Variants in KRT10 observed in about 807,000 individuals in gnomAD.
KRT10 encodes the protein keratin 10, also known as keratin, type I cytoskeletal 10.
In KRT10, 40 loss-of-function variants were observed where a neutral mutation model predicts 59.2. The ratio of observed to expected loss-of-function variants is 0.68; its 90% CI spans 0.52 to 0.88. The LOEUF (loss-of-function observed/expected upper bound fraction) is 0.88, where lower values mean the gene tolerates loss of function less well. Among genes scored for constraint, KRT10 ranks in the 40% least tolerant of loss-of-function variants. The pLI is 0.00. For synonymous variants in KRT10, 336 were observed against 310.7 expected (o/e 1.08, Z -0.86); for missense variants, 719 against 749.1 (o/e 0.96, Z 0.47).
rs1434966740 is a variant in KRT10 at position 40,819,643 on chromosome 17, T to G, written c.1247A>C (p.Glu416Ala). Residue 416 changes from glutamate to alanine, a missense_variant, in exon 6 of 8, where the codon GAA (glutamate) becomes GCA (alanine). By Grantham distance (107) the Glu-to-Ala change is moderately radical. Around this residue, in one of 4 missense-constraint regions of KRT10, gnomAD observed 315 missense variants for 270.6 expected, o/e 1.16. Transcript: ENST00000269576. Reference sequence around the variant, plus strand: ...TTCAGCTCGAATCTGTTGCAACTGTTCTTCCAGAGCGGATATCTGGGCCTG... The same window carrying G: ...TTCAGCTCGAATCTGTTGCAACTGTGCTTCCAGAGCGGATATCTGGGCCTG... ...QIQAQISALE[E>A]QLQQIRAETE... 1 of 1,614,196 alleles carries G rather than the reference T, an allele frequency of 6.2e-7. No homozygotes were observed. The highest frequency in any genetic ancestry group is 1.1e-5 in the South Asian group (1 of 91,082).
rs957677005 is a variant in KRT10, at chr17:40,818,722, A to C, written c.1748+65T>G. On this transcript the variant is annotated intron_variant, in intron 7 of 7. Transcript: ENST00000269576. ...TTTTTAAAACAACTCTAGAGCTTAAAGCGCAAAAAAACCATCACAGGAAGT... is the reference window on the plus strand; with the variant it reads ...TTTTTAAAACAACTCTAGAGCTTAACGCGCAAAAAAACCATCACAGGAAGT... 4 of 1,598,798 alleles carry C rather than the reference A, an allele frequency of 2.5e-6. No homozygotes were observed. The East Asian group carries it at 8.9e-5, about 36-fold the overall frequency.
At chr17:40,821,818 T>C in intron 1 of KRT10, 141 bp downstream of exon 1, 1 of 868,536 alleles carries the variant, frequency 1.2e-6, no homozygotes, top group Non-Finnish European at 1.8e-6. Context: ...ATGTTTATCT[T>C]TGATGAGACT....
At chr17:40,819,298 A>G in intron 6 of KRT10, 137 bp from the exon 7 acceptor site, 1 of 1,502,820 alleles carries the variant, frequency 6.7e-7, no homozygotes, top group Non-Finnish European at 8.9e-7. Flanking sequence ...TTTAAAACCC[A>G]TCCTTTGAAA....
At chr17:40,820,020 T>C (rs1242192501) in intron 5 of KRT10, 29 bp downstream of exon 5, 11 of 1,611,490 alleles carry the variant, frequency 6.8e-6, no homozygotes, top group African/African-American at 1.3e-5. Context: ...TATGATAAAG[T>C]TGAAGTCATT....
chr17:40,818,651 T>G, intron 7 of KRT10, 136 bp downstream of exon 7: 2 of 1,427,104 alleles, frequency 1.4e-6, no homozygotes, highest in South Asian at 2.4e-5. Flanking sequence ...GTGTTAAGAG[T>G]AGTTTGTGAA....
chr17:40,819,041 G>A lies in KRT10; in HGVS notation c.1494C>T (p.Gly498=), dbSNP rs1905207767. Residue 498 remains glycine (G), a synonymous_variant, in exon 7 of 8, where the codon GGC becomes GGT. Transcript: ENST00000269576. ...CGCCGCCGGAGCTTCCGCCTCCGTA[G>A]CCGCCGCCGGAACTGCCGCCGTGGC... The part of the protein sequence containing the change: ...GGGHGGSSGG[G]YGGGSSGGGS... The A allele has an allele frequency of 7.5e-7, 1 of 1,340,386 alleles. No individual in the cohort carries two copies. Among genetic ancestry groups the A allele is most frequent in the Non-Finnish European group, 9.7e-7 (1 of 1,025,842 alleles). The allele number at this position is 1,340,386 out of a possible 1,614,324, so 83.0% of individuals were successfully genotyped here.
rs1455505969 is a variant in KRT10 at position 40,820,539 on chromosome 17, A to G, written c.839T>C (p.Leu280Pro). 1 of 1,614,132 alleles carries G rather than the reference A, an allele frequency of 6.2e-7. No individual in the cohort carries two copies. Among genetic ancestry groups the G allele is most frequent in the African/African-American group, 1.3e-5 (1 of 74,938 alleles). The change falls in exon 3 of 8, where the codon CTG becomes CCG. Residue 280 changes from leucine (L) to proline (P), a missense_variant. Physicochemically the swap from Leu to Pro is moderately conservative, Grantham distance 98 (BLOSUM62 -3). Transcript: ENST00000269576. ...CTCGTGGTTCTTCTTCAGATAGGCC[A>G]GCTCTTCAGTCAGGCTCTCAATTTG... Reference protein sequence around the residue: ...EMQIESLTEELAYLKKNHEEE... With the variant: ...EMQIESLTEEPAYLKKNHEEE...
rs1905248091 is a variant in KRT10, at chr17:40,819,537, G to A, written c.1353C>T (p.Ser451=). Residue 451 remains serine (S), a synonymous_variant, in exon 6 of 8, where the codon AGC becomes AGT. Transcript: ENST00000269576. ...TTTACCTTCCCTCTCCTTCTAGCAG[G>A]CTGCGGTAGGTTTGAATTTCATTCT... ...RLENEIQTYR[S]LLEGEGSSGG... 1 of 1,613,970 alleles carries A rather than the reference G, an allele frequency of 6.2e-7. No homozygotes were observed. The highest frequency in any genetic ancestry group is 2.2e-5 in the East Asian group (1 of 44,892).
rs759327325 is a variant in KRT10, at chr17:40,818,911, A to AGCC, written c.1621_1623dup (p.Gly541dup). ...CCGCCGCCGGAGCTGCCGCCCCCGT[A>AGCC]GCCGCCGCCGCCGCCGCCGGAACTG... On this transcript the variant is annotated inframe_insertion, in exon 7 of 8. Coordinates refer to ENST00000269576, the MANE Select transcript of KRT10 (RefSeq NM_000421.5). 1.7e-4 allele frequency: 213 copies of AGCC among 1,246,376 alleles called. 1 individual carries two copies. The highest frequency in any genetic ancestry group is 1.1e-3 in the African/African-American group (39 of 35,996). The allele number at this position is 1,246,376 out of a possible 1,614,324, so 77.2% of individuals were successfully genotyped here.
chr17:40,819,179 A>G lies in KRT10; in HGVS notation c.1374-18T>C. On this transcript the variant is annotated intron_variant, in intron 6 of 7. Coordinates refer to ENST00000269576, the MANE Select transcript of KRT10 (RefSeq NM_000421.5). Reference sequence around the variant, plus strand: ...CTCCGGAACTAAACGGGGTGAGGTCACATTCGGTTATCTCTAACGTTGGAA... The same window carrying G: ...CTCCGGAACTAAACGGGGTGAGGTCGCATTCGGTTATCTCTAACGTTGGAA... 1.9e-6 allele frequency: 3 copies of G among 1,593,810 alleles called. No homozygotes were observed. The African/African-American group carries it at 4.0e-5, about 21-fold the overall frequency.
Position 40,818,661 on chromosome 17 carries a change from A to C in KRT10, c.1748+126T>G, listed in dbSNP as rs1372191216. 2.0e-6 allele frequency: 3 copies of C among 1,493,246 alleles called. No homozygotes were observed. In the African/African-American group the frequency reaches 4.2e-5, roughly 21 times the overall value. 92.5% of individuals were successfully genotyped at this position (1,493,246 alleles called of 1,614,324 possible). ...GGCTGGTGTTAAGAGTAGTTTGTGA[A>C]CAAATGCAAACGGAACCGTCTCTAA... On this transcript the variant is annotated intron_variant, in intron 7 of 7. Transcript: ENST00000269576.
At chr17:40,818,759 C>A (rs754993001) in intron 7 of KRT10, 28 bp downstream of exon 7, 6 of 1,584,064 alleles carry the variant, frequency 3.8e-6, no homozygotes, top group Non-Finnish European at 5.1e-6. Flanking sequence ...AAAACTAATT[C>A]TGATTACCCC....
rs1407712163 is a variant in KRT10 at position 40,822,494 on chromosome 17, ACTCCTCCTCCTCCTCCACATC to A, written c.71_91del (p.Gly24_Gly30del). The A allele has an allele frequency of 8.7e-6, 14 of 1,605,614 alleles. No individual in the cohort carries two copies. Among genetic ancestry groups the A allele is most frequent in the Admixed American group, 3.4e-5 (2 of 59,460 alleles). On this transcript the variant is annotated inframe_deletion, in exon 1 of 8. Coordinates refer to ENST00000269576, the MANE Select transcript of KRT10 (RefSeq NM_000421.5). ...GCTGCTAGAAATTCTTAGGGATGACACTCCTCCTCCTCCTCCACATCCTCCTCCTCCTCCTCCTCCTCCACT... is the reference window on the plus strand; with the variant it reads ...GCTGCTAGAAATTCTTAGGGATGACACTCCTCCTCCTCCTCCTCCTCCACT...
At position 40,822,492 on chromosome 17, in the gene KRT10, A is replaced by G. The variant is rs1311821469; in HGVS notation, c.94T>C (p.Ser32Pro). Residue 32 changes from serine to proline, a missense_variant, in exon 1 of 8, where the codon TCA (serine) becomes CCA (proline). Ser to Pro is a moderately conservative substitution (Grantham distance 74). Transcript: ENST00000269576. ...GGGCGGGGGV[S>P]SLRISSSKGS... ...TTGCTGCTAGAAATTCTTAGGGATGACACTCCTCCTCCTCCTCCACATCCT... is the reference window on the plus strand; with the variant it reads ...TTGCTGCTAGAAATTCTTAGGGATGGCACTCCTCCTCCTCCTCCACATCCT... 1 of 1,613,222 alleles carries G rather than the reference A, an allele frequency of 6.2e-7. No homozygotes were observed. Among genetic ancestry groups the G allele is most frequent in the Non-Finnish European group, 8.5e-7 (1 of 1,179,896 alleles).
At position 40,818,419 on chromosome 17, in the gene KRT10, A is replaced by T; in HGVS notation, c.*57T>A. ...GGTTTCTGATTCAACCATAGATGAA[A>T]GAACTCTACCGTCGGGCGCCACCTC... On this transcript the variant is annotated 3_prime_UTR_variant, in exon 8 of 8. Coordinates refer to ENST00000269576, the MANE Select transcript of KRT10 (RefSeq NM_000421.5). 6.2e-7 allele frequency: 1 copy of T among 1,612,424 alleles called. No individual in the cohort carries two copies. The highest frequency in any genetic ancestry group is 8.5e-7 in the Non-Finnish European group (1 of 1,178,728).
In KRT10 at chr17:40,818,920, CGCCGCCGCCGGAACTGCCACCACCGTA is replaced by C. The variant is rs1905189044; in HGVS notation, c.1588_1614del (p.Tyr530_Gly538del). The C allele has an allele frequency of 7.2e-7, 1 of 1,381,652 alleles. No homozygotes were observed. Among genetic ancestry groups the C allele is most frequent in the Non-Finnish European group, 9.5e-7 (1 of 1,055,260 alleles). The allele number at this position is 1,381,652 out of a possible 1,614,324, so 85.6% of individuals were successfully genotyped here. ...GAGCTGCCGCCCCCGTAGCCGCCGC[CGCCGCCGCCGGAACTGCCACCACCGTA>C]GCCGCCGCTGGAACTGCCGCCGTGG... On this transcript the variant is annotated inframe_deletion, in exon 7 of 8. Transcript: ENST00000269576.
In KRT10 at chr17:40,819,105, C is replaced by A; in HGVS notation, c.1430G>T (p.Ser477Ile). 12 of 1,480,704 alleles carry A rather than the reference C, an allele frequency of 8.1e-6. No individual in the cohort carries two copies. Among genetic ancestry groups the A allele is most frequent in the Non-Finnish European group, 1.1e-5 (12 of 1,117,908 alleles). The allele number at this position is 1,480,704 out of a possible 1,614,324, so 91.7% of individuals were successfully genotyped here. Residue 477 changes from serine to isoleucine, a missense_variant, in exon 7 of 8, where the codon AGC (serine) becomes ATC (isoleucine). Physicochemically the swap from Ser to Ile is moderately radical, Grantham distance 142. This residue lies in a region of KRT10 where 315 missense variants were observed against 270.6 expected (regional missense o/e 1.16). Transcript: ENST00000269576. Reference sequence around the variant, plus strand: ...GCCGCCGGAGCTTCCGCCGCCGGAGCTTCCGCCGCCGTAGCCGCCGCCGAA... The same window carrying A: ...GCCGCCGGAGCTTCCGCCGCCGGAGATTCCGCCGCCGTAGCCGCCGCCGAA... Reference protein sequence around the residue: ...GSFGGGYGGGSSGGGSSGGGH... With the variant: ...GSFGGGYGGGISGGGSSGGGH...
rs753364834 is a variant in KRT10 at position 40,818,971 on chromosome 17, GGCCGCCGCTGGAGCTTCCGCCCCCGTA to G, written c.1537_1563del (p.Tyr513_Gly521del). 45 of 1,323,320 alleles carry G rather than the reference GGCCGCCGCTGGAGCTTCCGCCCCCGTA, an allele frequency of 3.4e-5. No individual in the cohort carries two copies. The highest frequency in any genetic ancestry group is 6.1e-5 in the African/African-American group (3 of 48,842). The allele number at this position is 1,323,320 out of a possible 1,614,324, so 82.0% of individuals were successfully genotyped here. On this transcript the variant is annotated inframe_deletion, in exon 7 of 8. Transcript: ENST00000269576. Reference sequence around the variant, plus strand: ...TAGCCGCCGCTGGAACTGCCGCCGTGGCCGCCGCTGGAGCTTCCGCCCCCGTAGCCGCCGCCGGAGCTTCCGCCGCCG... The same window carrying G: ...TAGCCGCCGCTGGAACTGCCGCCGTGGCCGCCGCCGGAGCTTCCGCCGCCG...
rs1435728074 is a variant in KRT10, at chr17:40,822,494, A to T, written c.92T>A (p.Val31Glu). 1 of 1,604,540 alleles carries T rather than the reference A, an allele frequency of 6.2e-7. No individual in the cohort carries two copies. Among genetic ancestry groups the T allele is most frequent in the Non-Finnish European group, 8.5e-7 (1 of 1,175,640 alleles). Residue 31 changes from valine to glutamate, a missense_variant, in exon 1 of 8, where the codon GTG becomes GAG. Around this residue, in one of 4 missense-constraint regions of KRT10, gnomAD observed 176 missense variants for 175.7 expected, o/e 1.00. Transcript: ENST00000269576. ...GGGGCGGGGG[V>E]SSLRISSSKG... is the part of the protein sequence containing the mutation. ...GCTGCTAGAAATTCTTAGGGATGAC[A>T]CTCCTCCTCCTCCTCCACATCCTCC...
Sources: gnomAD v4.1 joint callset for allele counts on GRCh38, gnomAD v4.1.1 for gene constraint, gnomAD v4.1.1 regional missense constraint, MANE v1.5 for transcripts, NCBI Gene and HGNC (gene_info 2026-07-23, HGNC 2026-07-21) for gene names.